The following EVC variants were observed in gnomAD, a reference collection of about 807,000 sequenced individuals.
The protein encoded by EVC is EvC ciliary complex subunit 1.
A neutral mutation model predicts 118.9 loss-of-function variants in EVC; 116 were observed. That is an observed-to-expected ratio of 0.98 (90% confidence interval 0.84 to 1.14). EVC has a LOEUF of 1.14. Among genes scored for constraint, EVC ranks in the 50% most tolerant of loss-of-function variants. The pLI is 0.00. For synonymous variants in EVC, 619 were observed against 534.7 expected (o/e 1.16, Z -2.18); for missense variants, 1,401 against 1,246.4 (o/e 1.12, Z -1.87).
At chr4:5,825,349 A>G in the EVC span, 1 of 1,411,574 alleles carries the variant, frequency 7.1e-7, no homozygotes, top group Non-Finnish European at 9.2e-7. The surrounding 1 kb of genome is among the most constrained non-coding windows in gnomAD (Gnocchi z 4.4). Context: ...CCCACCAGTG[A>G]GAGCAGGCTC....
chr4:5,800,820 C>T (rs529232776), intron 15 of EVC, among the ~76,000 whole-genome samples: 19 of 149,166 alleles, frequency 1.3e-4, no homozygotes, highest in Middle Eastern at 3.4e-3. Context: ...ACTGCCACTC[C>T]GGGCTGTACA....
the EVC span, chr4:5,828,431 A>G: frequency 1.3e-6 from 2 of 1,583,210 alleles, no homozygotes; most frequent in East Asian, 2.3e-5. Context: ...CGATTCCCCA[A>G]GAGACGCTGT....
At chr4:5,715,243 A>C (rs1288057791) in intron 1 of EVC, among the ~76,000 whole-genome samples, 1 of 152,232 alleles carries the variant, frequency 6.6e-6, no homozygotes, top group Non-Finnish European at 1.5e-5. Context: ...TGAGAAAAAT[A>C]TCTCTCCCAG....
intron 11 of EVC, among the ~76,000 whole-genome samples, chr4:5,771,117 C>T (rs976760676): frequency 1.3e-5 from 2 of 152,032 alleles, no homozygotes; most frequent in Non-Finnish European, 1.5e-5. Flanking sequence ...AACTAATGAC[C>T]ACAAACTCAG....
the EVC span, chr4:5,825,679 G>A: frequency 6.2e-7 from 1 of 1,611,124 alleles, no homozygotes; most frequent in African/African-American, 1.3e-5. This position sits in a 1 kb window ranked among gnomAD's most constrained non-coding sequence, Gnocchi z 4.4. Context: ...GGAAGGGAGA[G>A]TGTGATTGAT....
intron 5 of EVC, among the ~76,000 whole-genome samples, chr4:5,734,850 CCAGG>C (rs1727420896): frequency 6.6e-6 from 1 of 152,178 alleles, no homozygotes; most frequent in African/African-American, 2.4e-5. Flanking sequence ...ATGGGGGCCA[CCAGG>C]CAGCCTGTGT....
chr4:5,771,169 CA>C (rs1733892191), intron 11 of EVC, among the ~76,000 whole-genome samples: 1 of 152,094 alleles, frequency 6.6e-6, no homozygotes, highest in African/African-American at 2.4e-5. Context: ...TTCTGGAGGT[CA>C]GAAGTCTGAT....
chr4:5,796,048 A>G (rs1713898031), intron 13 of EVC, among the ~76,000 whole-genome samples: 1 of 151,964 alleles, frequency 6.6e-6, no homozygotes, highest in Admixed American at 6.5e-5. Context: ...CCTTTGAGGT[A>G]TCTTCCAGCC....
At chr4:5,774,875 AG>A (rs1160816708) in intron 11 of EVC, among the ~76,000 whole-genome samples, 1 of 152,164 alleles carries the variant, frequency 6.6e-6, no homozygotes, top group African/African-American at 2.4e-5. Context: ...GTATCTCCCA[AG>A]TGACATATGC....
intron 5 of EVC, among the ~76,000 whole-genome samples, chr4:5,741,393 A>G (rs1461760055): frequency 1.3e-5 from 2 of 152,200 alleles, no homozygotes; most frequent in Non-Finnish European, 2.9e-5. Context: ...TTTGCTTTTT[A>G]TATTTTCTTC....
At chr4:5,776,440 T>G (rs549059305) in intron 11 of EVC, among the ~76,000 whole-genome samples, 1 of 152,278 alleles carries the variant, frequency 6.6e-6, no homozygotes, top group South Asian at 2.1e-4. Context: ...ATCAAGGTCA[T>G]GGGCACTGGA....
intron 11 of EVC, among the ~76,000 whole-genome samples, chr4:5,782,148 G>A (rs1735690080): frequency 6.6e-6 from 1 of 152,086 alleles, no homozygotes; most frequent in Non-Finnish European, 1.5e-5. Flanking sequence ...CACAATCTCA[G>A]CCCACTGCAA....
chr4:5,821,793 A>AG, the EVC span: 3 of 1,611,532 alleles, frequency 1.9e-6, no homozygotes. The surrounding 1 kb of genome is among the most constrained non-coding windows in gnomAD (Gnocchi z 4.4). Flanking sequence ...AGCGGCCACC[A>AG]GGGGGCGCCA....
intron 11 of EVC, among the ~76,000 whole-genome samples, chr4:5,778,840 T>A (rs925115467): frequency 7.9e-5 from 12 of 152,166 alleles, no homozygotes; most frequent in African/African-American, 2.4e-4. Context: ...AGCTCTTTAG[T>A]TTAATTAGAT....
chr4:5,735,920 C>T (rs948792424), intron 5 of EVC, among the ~76,000 whole-genome samples: 4 of 152,184 alleles, frequency 2.6e-5, no homozygotes, highest in African/African-American at 9.7e-5. Flanking sequence ...CTGTAAGAAC[C>T]TGGTGAGCCG....
At chr4:5,828,121 C>G in the EVC span, 2 of 985,306 alleles carry the variant, frequency 2.0e-6, no homozygotes, top group Non-Finnish European at 1.2e-6. Flanking sequence ...TGGCTAAGCC[C>G]TTCACTGCTC....
downstream of EVC, among the ~76,000 whole-genome samples, chr4:5,815,159 T>G (rs1049007594): frequency 1.3e-5 from 2 of 151,926 alleles, no homozygotes; most frequent in African/African-American, 4.8e-5. Context: ...ACTGTGGCAT[T>G]GTAAACTGTA....
At chr4:5,722,053 A>C (rs1442310021) in intron 2 of EVC, among the ~76,000 whole-genome samples, 13 of 152,178 alleles carry the variant, frequency 8.5e-5, no homozygotes, top group Non-Finnish European at 2.9e-5. Context: ...TTTGGGAGCT[A>C]GAATCCTGGA....
the EVC span, chr4:5,820,706 G>A: frequency 1.3e-5 from 2 of 152,146 alleles, no homozygotes; most frequent in African/African-American, 4.8e-5. Flanking sequence ...ACCACCATTC[G>A]TTATCACGCG....
Sources: gnomAD v4.1 joint callset for allele counts (sites outside exome capture counted in the v4.1 genomes callset) on GRCh38, gnomAD v4.1.1 for gene constraint, Gnocchi (gnomAD v3.1) non-coding constraint, MANE v1.5 for transcripts, NCBI Gene and HGNC (gene_info 2026-07-23, HGNC 2026-07-21) for gene names.